The following CFAP206 variants were observed in gnomAD, a reference collection of about 807,000 sequenced individuals.
The protein encoded by CFAP206 is cilia- and flagella-associated protein 206.
A neutral mutation model predicts 65.4 loss-of-function variants in CFAP206; 53 were observed. The ratio of observed to expected loss-of-function variants is 0.81; its 90% CI spans 0.65 to 1.02. The LOEUF (loss-of-function observed/expected upper bound fraction) is 1.02, where lower values mean the gene tolerates loss of function less well. Among genes scored for constraint, CFAP206 ranks in the 50% least tolerant of loss-of-function variants. The pLI is 0.00. For missense variants in CFAP206, 663 were observed against 753.2 expected (o/e 0.88, Z 1.40); for synonymous variants, 250 against 254.4 (o/e 0.98, Z 0.17).
chr6:87,409,029 T>A lies in CFAP206; in HGVS notation c.-5-806T>A, dbSNP rs569883301. Among the ~76,000 whole-genome samples the A allele has an allele frequency of 9.8e-5, 15 of 152,354 alleles. No individual in the cohort carries two copies. In the East Asian group the frequency reaches 1.7e-3, roughly 18 times the overall value. ...TTTCCTTATAGTAAATGCTTTTTTT[T>A]ATCGAGAGTCTGAACTCTATTTTAG... On this transcript the variant is annotated intron_variant, in intron 1 of 12. Coordinates refer to ENST00000369562, the MANE Select transcript of CFAP206 (RefSeq NM_001031743.3).
At chr6:87,413,522 A>G (rs1253105319) in intron 3 of CFAP206, among the ~76,000 whole-genome samples, 1 of 152,194 alleles carries the variant, frequency 6.6e-6, no homozygotes, top group Non-Finnish European at 1.5e-5. Flanking sequence ...AATGTCCACT[A>G]TTCAGGTGTT....
chr6:87,461,222 TACTC>T (rs1768743511), intron 12 of CFAP206, 57 bp downstream of exon 12: 17 of 1,221,410 alleles, frequency 1.4e-5, no homozygotes, highest in Non-Finnish European at 1.8e-5. Context: ...AATCTATTGT[TACTC>T]ATAGAGTTGG....
chr6:87,442,783 A>C (rs1768379251), intron 11 of CFAP206, among the ~76,000 whole-genome samples: 1 of 152,134 alleles, frequency 6.6e-6, no homozygotes, highest in Non-Finnish European at 1.5e-5. Flanking sequence ...GAATTATATT[A>C]TTTCTAAGAT....
intron 3 of CFAP206, among the ~76,000 whole-genome samples, chr6:87,412,765 A>G (rs1410129897): frequency 6.6e-6 from 1 of 151,996 alleles, no homozygotes; most frequent in Non-Finnish European, 1.5e-5. Context: ...TTCTCAAGCG[A>G]TTCTCCTGTC....
chr6:87,439,724 G>A (rs1768332785), intron 11 of CFAP206, among the ~76,000 whole-genome samples: 1 of 151,906 alleles, frequency 6.6e-6, no homozygotes, highest in Non-Finnish European at 1.5e-5. Context: ...TTTGTGGTGG[G>A]AGGTAAAGAT....
intron 11 of CFAP206, among the ~76,000 whole-genome samples, chr6:87,438,833 T>C (rs1354510224): frequency 6.6e-6 from 1 of 152,202 alleles, no homozygotes. Context: ...AGTAAGCCAG[T>C]TTTCCTAACA....
intron 9 of CFAP206, among the ~76,000 whole-genome samples, chr6:87,429,680 C>A (rs1215542660): frequency 3.3e-5 from 5 of 151,836 alleles, no homozygotes; most frequent in Non-Finnish European, 5.9e-5. Flanking sequence ...TGAGGAATGC[C>A]AAAAAAGAGC....
intron 11 of CFAP206, among the ~76,000 whole-genome samples, chr6:87,450,551 A>C (rs565744782): frequency 1.4e-5 from 2 of 143,532 alleles, no homozygotes; most frequent in Non-Finnish European, 3.0e-5. Context: ...TACCACAAAA[A>C]GTCTCAAAGC....
At chr6:87,454,920 T>A (rs777031571) in intron 11 of CFAP206, among the ~76,000 whole-genome samples, 30 of 151,498 alleles carry the variant, frequency 2.0e-4, no homozygotes, top group African/African-American at 4.6e-4. Flanking sequence ...TTATTTTATT[T>A]TTTTATTTTT....
chr6:87,447,860 G>A (rs1038170367), intron 11 of CFAP206, among the ~76,000 whole-genome samples: 5 of 151,816 alleles, frequency 3.3e-5, no homozygotes, highest in African/African-American at 7.3e-5. Context: ...TTCAGAACTC[G>A]TTATTAGTCT....
At position 87,464,295 on chromosome 6, in the gene CFAP206, T is replaced by C. The variant is rs1351652401; in HGVS notation, c.*45T>C. 5 of 1,459,600 alleles carry C rather than the reference T, an allele frequency of 3.4e-6. No individual in the cohort carries two copies. Among genetic ancestry groups the C allele is most frequent in the African/African-American group, 2.8e-5 (2 of 71,524 alleles). The allele number at this position is 1,459,600 out of a possible 1,614,324, so 90.4% of individuals were successfully genotyped here. A position where few individuals can be genotyped will look rare whatever the true frequency, so the allele number is the denominator to read the frequency against. The stretch of plus-strand genomic sequence containing the variant: ...ATAGATGCTACTCAATTATGAACAA[T>C]AGCAAGTACTTAAAGGTATATTAAC... On this transcript the variant is annotated 3_prime_UTR_variant, in exon 13 of 13. Coordinates refer to ENST00000369562, the MANE Select transcript of CFAP206 (RefSeq NM_001031743.3).
rs11330688 is a variant in CFAP206, at chr6:87,428,290, A to AT, written c.961-323dup. On this transcript the variant is annotated intron_variant, in intron 8 of 12. Coordinates refer to ENST00000369562, the MANE Select transcript of CFAP206 (RefSeq NM_001031743.3). ...GGTGTGAGCTACTGTGCCTGGCCGTATTTTTTTTTTTTTCTTAAGACATTT... is the reference window on the plus strand; with the variant it reads ...GGTGTGAGCTACTGTGCCTGGCCGTATTTTTTTTTTTTTTCTTAAGACATTT... Among the ~76,000 whole-genome samples the AT allele has an allele frequency of 1.7e-3, 238 of 142,872 alleles. 1 individual carries two copies. Among genetic ancestry groups the AT allele is most frequent in the Non-Finnish European group, 1.9e-3 (127 of 65,146 alleles). 93.7% of individuals were successfully genotyped at this position (142,872 alleles called of 152,430 possible).
At position 87,460,942 on chromosome 6, in the gene CFAP206, A is replaced by C. The variant is rs187702720; in HGVS notation, c.1495-80A>C. The C allele has an allele frequency of 3.9e-4, 482 of 1,242,978 alleles. 3 individuals carry two copies. Among genetic ancestry groups the C allele is most frequent in the Admixed American group, 1.3e-3 (42 of 32,268 alleles). The allele number at this position is 1,242,978 out of a possible 1,614,324, so 77.0% of individuals were successfully genotyped here. A position where few individuals can be genotyped will look rare whatever the true frequency, so the allele number is the denominator to read the frequency against. ...ATTATTGTTTTTTAAGTGTTTTGTT[A>C]GTTTTAGCTAAATATTTTAGTTATC... On this transcript the variant is annotated intron_variant, in intron 11 of 12. Transcript: ENST00000369562.
rs772499613 is a variant in CFAP206 at position 87,409,857 on chromosome 6, C to A, written c.18C>A (p.Ala6=). ...TAGCCAGAATGCCTCCAACTCAGGCCGAAAGTGTTATAAGGAGTATTATAC... is the reference window on the plus strand; with the variant it reads ...TAGCCAGAATGCCTCCAACTCAGGCAGAAAGTGTTATAAGGAGTATTATAC... The part of the protein sequence containing the change: MPPTQ[A]ESVIRSIIRE... The change falls in exon 2 of 13, where the codon GCC becomes GCA. Residue 6 remains alanine (A), a synonymous_variant. Transcript: ENST00000369562. 1 of 1,610,470 alleles carries A rather than the reference C, an allele frequency of 6.2e-7. No individual in the cohort carries two copies. The highest frequency in any genetic ancestry group is 1.3e-5 in the African/African-American group (1 of 74,562).
At chr6:87,431,583 T>G (rs970429935) in intron 10 of CFAP206, among the ~76,000 whole-genome samples, 2 of 152,118 alleles carry the variant, frequency 1.3e-5, no homozygotes, top group Admixed American at 1.3e-4. Context: ...CTGGCCAACA[T>G]GTCGAAACCC....
At chr6:87,459,695 T>G (rs1768708894) in intron 11 of CFAP206, among the ~76,000 whole-genome samples, 1 of 152,224 alleles carries the variant, frequency 6.6e-6, no homozygotes, top group Non-Finnish European at 1.5e-5. Flanking sequence ...ATACTGTGCA[T>G]GTCTACAGAC....
At chr6:87,410,726 AT>A in intron 3 of CFAP206, 58 bp downstream of exon 3, 1 of 1,277,502 alleles carries the variant, frequency 7.8e-7, no homozygotes, top group Admixed American at 1.7e-5. Flanking sequence ...TAAATACAAT[AT>A]TTGTATTAGT....
chr6:87,423,506 C>T (rs995217235), intron 7 of CFAP206, among the ~76,000 whole-genome samples: 1 of 152,194 alleles, frequency 6.6e-6, no homozygotes, highest in Non-Finnish European at 1.5e-5. Flanking sequence ...GCCTCCGCCT[C>T]CCAAAGTGCT....
At chr6:87,440,063 CT>C (rs1373864332) in intron 11 of CFAP206, among the ~76,000 whole-genome samples, 1 of 152,018 alleles carries the variant, frequency 6.6e-6, no homozygotes, top group African/African-American at 2.4e-5. Flanking sequence ...TTGAAATTGC[CT>C]TGTATATGTA....
Sources: gnomAD v4.1 joint callset for allele counts (sites outside exome capture counted in the v4.1 genomes callset) on GRCh38, gnomAD v4.1.1 for gene constraint, MANE v1.5 for transcripts, NCBI Gene and HGNC (gene_info 2026-07-23, HGNC 2026-07-21) for gene names.